The following MCU variants were observed in gnomAD, a reference collection of about 807,000 sequenced individuals.
MCU encodes the protein calcium uniporter protein, mitochondrial.
Under a neutral mutation model 45.2 loss-of-function variants are expected in MCU, and 12 were observed. The observed-to-expected ratio is 0.27, with a 90% CI of 0.17 to 0.43. The LOEUF is 0.43. MCU is among the 20% of genes least tolerant of loss of function. The pLI is 1.00. For missense variants in MCU, 324 were observed against 436.7 expected (o/e 0.74, Z 2.30); for synonymous variants, 160 against 165.1 (o/e 0.97, Z 0.24).
intron 1 of MCU, among the ~76,000 whole-genome samples, chr10:72,787,768 G>T (rs1844097152): frequency 6.6e-6 from 1 of 151,842 alleles, no homozygotes; most frequent in Non-Finnish European, 1.5e-5. Flanking sequence ...GCCCAGGCTG[G>T]AGTGCAGTGG....
At chr10:72,815,338 A>C (rs1844608931) in intron 1 of MCU, among the ~76,000 whole-genome samples, 1 of 152,240 alleles carries the variant, frequency 6.6e-6, no homozygotes, top group African/African-American at 2.4e-5. Flanking sequence ...GAACTGAAGT[A>C]ATATTTAGAG....
At chr10:72,693,597 T>C (rs914589864) in intron 1 of MCU, among the ~76,000 whole-genome samples, 4 of 152,230 alleles carry the variant, frequency 2.6e-5, no homozygotes, top group African/African-American at 9.7e-5. Flanking sequence ...CCTAATGCTC[T>C]GCAAAAGCAA....
chr10:72,778,487 A>G (rs1194427554), intron 1 of MCU, among the ~76,000 whole-genome samples: 1 of 152,096 alleles, frequency 6.6e-6, no homozygotes, highest in Non-Finnish European at 1.5e-5. Context: ...TCTCATGAAG[A>G]TAGAGTGTAG....
chr10:72,773,906 G>A (rs2121094), intron 1 of MCU, among the ~76,000 whole-genome samples: 100,709 of 151,976 alleles, frequency 0.66, 35,341 homozygotes, highest in African/African-American at 0.83. Context: ...GCAACAAAGC[G>A]TTTCCCAGAC....
At chr10:72,777,889 T>G (rs954499783) in intron 1 of MCU, among the ~76,000 whole-genome samples, 2 of 152,292 alleles carry the variant, frequency 1.3e-5, no homozygotes, top group Non-Finnish European at 2.9e-5. Context: ...AACACATTTC[T>G]TGAAAGAAGA....
intron 1 of MCU, among the ~76,000 whole-genome samples, chr10:72,707,533 G>GTACCA (rs1307517813): frequency 2.0e-5 from 3 of 151,858 alleles, no homozygotes; most frequent in African/African-American, 7.3e-5. Flanking sequence ...AAGGATTGCT[G>GTACCA]TACCATCACA....
At chr10:72,780,581 T>G (rs112510184) in intron 1 of MCU, among the ~76,000 whole-genome samples, 1 of 114,940 alleles carries the variant, frequency 8.7e-6, no homozygotes, top group African/African-American at 3.1e-5. Context: ...GGAAGAGAGA[T>G]AACTGTTGTC....
At chr10:72,847,494 T>C (rs1845140983) in intron 2 of MCU, among the ~76,000 whole-genome samples, 1 of 152,184 alleles carries the variant, frequency 6.6e-6, no homozygotes, top group Non-Finnish European at 1.5e-5. Flanking sequence ...CTCAACTTTA[T>C]CATAGGTATG....
intron 1 of MCU, among the ~76,000 whole-genome samples, chr10:72,732,683 A>G (rs1464818275): frequency 6.6e-6 from 1 of 152,214 alleles, no homozygotes; most frequent in Non-Finnish European, 1.5e-5. Flanking sequence ...TATCAGGAAT[A>G]TAAGAAACAC....
chr10:72,874,124 AT>A (rs1564581293), intron 6 of MCU, among the ~76,000 whole-genome samples: 1 of 152,064 alleles, frequency 6.6e-6, no homozygotes, highest in Non-Finnish European at 1.5e-5. Context: ...TTTTTTTCCT[AT>A]TTCTGTGAAG....
At chr10:72,791,209 T>C (rs1420676571) in intron 1 of MCU, among the ~76,000 whole-genome samples, 1 of 152,180 alleles carries the variant, frequency 6.6e-6, no homozygotes, top group African/African-American at 2.4e-5. Flanking sequence ...TATTATATCA[T>C]TTTAGATCCT....
intron 1 of MCU, among the ~76,000 whole-genome samples, chr10:72,733,564 AAG>A (rs1328083115): frequency 5.3e-5 from 8 of 152,122 alleles, no homozygotes; most frequent in African/African-American, 1.9e-4. Flanking sequence ...TGTCTAAAAA[AAG>A]GGAAATCTTG....
intron 6 of MCU, among the ~76,000 whole-genome samples, chr10:72,873,742 A>G (rs921985749): frequency 1.3e-5 from 2 of 152,190 alleles, no homozygotes; most frequent in Non-Finnish European, 2.9e-5. Context: ...TTCAGGTCTT[A>G]GATTGAAGTC....
chr10:72,868,746 GACATTGGTCCAGCAACTAT>G lies in MCU; in HGVS notation c.544_562del (p.Leu182ProfsTer10). The G allele has an allele frequency of 6.2e-7, 1 of 1,614,076 alleles. No homozygotes were observed. The highest frequency in any genetic ancestry group is 8.5e-7 in the Non-Finnish European group (1 of 1,179,998). On this transcript the variant is annotated frameshift_variant, in exon 5 of 8. Transcript: ENST00000373053. ...ATGCAGCAACGCTGAATGATGTAAA[GACATTGGTCCAGCAACTAT>G]ACACCACACTGTGCATTGAGCAGCA...
At chr10:72,695,110 G>A (rs1054540760) in intron 1 of MCU, among the ~76,000 whole-genome samples, 24 of 152,166 alleles carry the variant, frequency 1.6e-4, no homozygotes, top group Non-Finnish European at 2.6e-4. Context: ...TCTTCGAAGA[G>A]GAACTGCCTT....
At chr10:72,837,152 T>G (rs1395643684) in intron 2 of MCU, among the ~76,000 whole-genome samples, 2 of 152,224 alleles carry the variant, frequency 1.3e-5, no homozygotes, top group Non-Finnish European at 2.9e-5. Flanking sequence ...TAGATTATCT[T>G]AAATGCTTAC....
intron 1 of MCU, among the ~76,000 whole-genome samples, chr10:72,710,034 G>A (rs888652856): frequency 6.6e-6 from 1 of 152,122 alleles, no homozygotes; most frequent in Non-Finnish European, 1.5e-5. Context: ...GGAGTGCAGT[G>A]GTGCGATCTC....
chr10:72,731,492 A>G (rs749987112), intron 1 of MCU, among the ~76,000 whole-genome samples: 2 of 152,136 alleles, frequency 1.3e-5, no homozygotes, highest in Admixed American at 6.5e-5. Flanking sequence ...CTTTTAAAGT[A>G]TACAATTCAG....
chr10:72,826,340 A>C (rs960985997), intron 1 of MCU, among the ~76,000 whole-genome samples: 1 of 152,232 alleles, frequency 6.6e-6, no homozygotes, highest in Non-Finnish European at 1.5e-5. Context: ...CTTCAGTTCT[A>C]TAAGGAATAG....
Sources: gnomAD v4.1 joint callset for allele counts (sites outside exome capture counted in the v4.1 genomes callset) on GRCh38, gnomAD v4.1.1 for gene constraint, MANE v1.5 for transcripts, NCBI Gene and HGNC (gene_info 2026-07-23, HGNC 2026-07-21) for gene names.